ADCY2: variants seen among roughly 807,000 people sequenced by gnomAD.
ADCY2 encodes the protein adenylate cyclase type 2.
ADCY2 carries 31 observed loss-of-function variants against 125.2 expected under a neutral mutation model. The ratio of observed to expected loss-of-function variants is 0.25; its 90% CI spans 0.19 to 0.33. The LOEUF (loss-of-function observed/expected upper bound fraction) is 0.33. ADCY2 is among the 10% of genes least tolerant of loss of function. The pLI, the probability that ADCY2 is intolerant of heterozygous loss-of-function variation, is 1.00. For missense variants in ADCY2, 904 were observed against 1,418.2 expected (o/e 0.64, Z 5.82); for synonymous variants, 512 against 548.4 (o/e 0.93, Z 0.93).
chr5:7,456,547 A>C (rs1741676351), intron 2 of ADCY2, among the ~76,000 whole-genome samples: 1 of 152,220 alleles, frequency 6.6e-6, no homozygotes, highest in Non-Finnish European at 1.5e-5. Context: ...GATCAGGCTC[A>C]AGAAATACAT....
intron 3 of ADCY2, among the ~76,000 whole-genome samples, chr5:7,555,949 C>T (rs1264241724): frequency 2.6e-5 from 4 of 151,714 alleles, no homozygotes; most frequent in African/African-American, 7.3e-5. Context: ...TGCATTGTAT[C>T]TCATGTGATA....
chr5:7,478,496 T>C (rs1439161243), intron 2 of ADCY2, among the ~76,000 whole-genome samples: 1 of 152,182 alleles, frequency 6.6e-6, no homozygotes, highest in Non-Finnish European at 1.5e-5. Context: ...AACTCAAATA[T>C]CTGTTGAATG....
chr5:7,772,317 G>A (rs1001718763), intron 17 of ADCY2, among the ~76,000 whole-genome samples: 1 of 152,166 alleles, frequency 6.6e-6, no homozygotes, highest in Non-Finnish European at 1.5e-5. Flanking sequence ...ATACCAGCTC[G>A]CTGGCCGCCA....
intron 22 of ADCY2, among the ~76,000 whole-genome samples, chr5:7,810,959 T>A (rs1241725674): frequency 6.6e-6 from 1 of 152,212 alleles, no homozygotes; most frequent in Non-Finnish European, 1.5e-5. Context: ...TTCTAGGAAC[T>A]GAAGTCAAAA....
intron 4 of ADCY2, among the ~76,000 whole-genome samples, chr5:7,672,331 T>C (rs1320765688): frequency 6.6e-6 from 1 of 152,220 alleles, no homozygotes; most frequent in Non-Finnish European, 1.5e-5. Flanking sequence ...CTTAATTCAA[T>C]TGTCAGTGAC....
At chr5:7,444,272 C>G (rs1741142946) in intron 2 of ADCY2, among the ~76,000 whole-genome samples, 1 of 151,444 alleles carries the variant, frequency 6.6e-6, no homozygotes. Flanking sequence ...CGCCACCACG[C>G]CTGGTTAATT....
intron 2 of ADCY2, among the ~76,000 whole-genome samples, chr5:7,472,620 T>C (rs1208438312): frequency 1.3e-5 from 2 of 152,192 alleles, no homozygotes; most frequent in Non-Finnish European, 2.9e-5. Flanking sequence ...GCTTTATGAA[T>C]AGGACAGCAG....
At position 7,706,876 on chromosome 5, in the gene ADCY2, C is replaced by A. The variant is rs75986905; in HGVS notation, c.1242C>A (p.Asn414Lys). The A allele has an allele frequency of 6.2e-7, 1 of 1,614,044 alleles. No individual in the cohort carries two copies. Among genetic ancestry groups the A allele is most frequent in the African/African-American group, 1.3e-5 (1 of 74,914 alleles). Reference sequence around the variant, plus strand: ...GGTCACATGATGTGACCTTGGCCAACCACATGGAAGCTGGAGGGGTCCCTG... The same window carrying A: ...GGTCACATGATGTGACCTTGGCCAAACACATGGAAGCTGGAGGGGTCCCTG... ...DVWSHDVTLA[N>K]HMEAGGVPGR... The change falls in exon 8 of 25, where the codon AAC (asparagine) becomes AAA (lysine). Residue 414 changes from asparagine (N) to lysine (K), a missense_variant. Physicochemically the swap from Asn to Lys is moderately conservative, Grantham distance 94. Transcript: ENST00000338316.
chr5:7,559,025 T>A (rs546828755), intron 3 of ADCY2, among the ~76,000 whole-genome samples: 44 of 152,300 alleles, frequency 2.9e-4, no homozygotes, highest in African/African-American at 9.6e-4. Context: ...TTCTGTTCCA[T>A]TGGTCTGTGT....
intron 7 of ADCY2, among the ~76,000 whole-genome samples, chr5:7,700,335 A>G (rs933510283): frequency 1.3e-5 from 2 of 152,192 alleles, no homozygotes; most frequent in Non-Finnish European, 1.5e-5. Context: ...TATTACCAGC[A>G]TCACAATTTT....
At chr5:7,571,885 C>T (rs1736076618) in intron 3 of ADCY2, among the ~76,000 whole-genome samples, 1 of 152,104 alleles carries the variant, frequency 6.6e-6, no homozygotes, top group South Asian at 2.1e-4. Flanking sequence ...TGAGAACATG[C>T]AGTATTCAGT....
intron 3 of ADCY2, among the ~76,000 whole-genome samples, chr5:7,579,889 CAAAGA>C (rs932220199): frequency 3.9e-5 from 6 of 152,200 alleles, no homozygotes; most frequent in Admixed American, 3.3e-4. Flanking sequence ...TTGGATTGGA[CAAAGA>C]AAAGGTGGTA....
chr5:7,557,198 T>TAGATATATATATATATATATATAG (rs1430642315), intron 3 of ADCY2, among the ~76,000 whole-genome samples: 4 of 147,516 alleles, frequency 2.7e-5, no homozygotes, highest in Admixed American at 6.7e-5. Context: ...ATGTGATATA[T>TAGATATATATATATATATATATAG]ATAACTCAAG....
chr5:7,643,709 G>A (rs1738790770), intron 4 of ADCY2, among the ~76,000 whole-genome samples: 1 of 151,534 alleles, frequency 6.6e-6, no homozygotes, highest in Admixed American at 6.6e-5. Context: ...AATAAATATA[G>A]TCCATTTTTA....
intron 4 of ADCY2, among the ~76,000 whole-genome samples, chr5:7,666,206 C>A (rs1161176631): frequency 2.0e-5 from 3 of 151,956 alleles, no homozygotes. Flanking sequence ...TAGGAACCAC[C>A]TCCGTATACC....
At chr5:7,812,286 G>C (rs1744969292) in intron 22 of ADCY2, among the ~76,000 whole-genome samples, 1 of 152,194 alleles carries the variant, frequency 6.6e-6, no homozygotes, top group African/African-American at 2.4e-5. Context: ...CAGAAGAAGA[G>C]AGAAATTTCC....
chr5:7,693,703 G>A (rs548360958), intron 5 of ADCY2, among the ~76,000 whole-genome samples: 2 of 152,130 alleles, frequency 1.3e-5, no homozygotes, highest in Non-Finnish European at 2.9e-5. Context: ...GATTACAGGC[G>A]TGAGCCACCA....
At chr5:7,655,016 G>A (rs1257819753) in intron 4 of ADCY2, among the ~76,000 whole-genome samples, 2 of 152,178 alleles carry the variant, frequency 1.3e-5, no homozygotes, top group Non-Finnish European at 2.9e-5. Flanking sequence ...TGAGATCCCT[G>A]TTAGGTTTTA....
chr5:7,772,949 C>T lies in ADCY2; in HGVS notation c.2232C>T (p.Cys744=). 1.2e-6 allele frequency: 2 copies of T among 1,614,092 alleles called. No homozygotes were observed. Among genetic ancestry groups the T allele is most frequent in the South Asian group, 2.2e-5 (2 of 91,066 alleles). The change falls in exon 18 of 25, where the codon TGC becomes TGT. Residue 744 remains cysteine (C), a synonymous_variant. Coordinates refer to ENST00000338316, the MANE Select transcript of ADCY2 (RefSeq NM_020546.3). ...TGTTTCAGTACTTTATCTACAGCTG[C>T]ATTCTGGGACTGATATCCTGTTCCG... is the stretch of plus-strand genomic sequence containing the variant. ...LFFLPYFIYS[C]ILGLISCSVF...
Sources: gnomAD v4.1 joint callset for allele counts (sites outside exome capture counted in the v4.1 genomes callset) on GRCh38, gnomAD v4.1.1 for gene constraint, MANE v1.5 for transcripts, NCBI Gene and HGNC (gene_info 2026-07-23, HGNC 2026-07-21) for gene names.